PTPRD: variants seen among roughly 807,000 people sequenced by gnomAD.
The protein encoded by PTPRD is receptor-type tyrosine-protein phosphatase delta.
A neutral mutation model predicts 214.5 loss-of-function variants in PTPRD; 34 were observed. The ratio of observed to expected loss-of-function variants is 0.16; its 90% CI spans 0.12 to 0.21. PTPRD has a LOEUF of 0.21. PTPRD is among the 10% of genes least tolerant of loss of function. PTPRD has a pLI of 1.00. For synonymous variants in PTPRD, 1,128 were observed against 845.7 expected, an observed-to-expected ratio of 1.33 and a Z score of -5.79; for missense variants, 2,545 against 2,398.7, an observed-to-expected ratio of 1.06 and a Z score of -1.27.
intron 7 of PTPRD, among the ~76,000 whole-genome samples, chr9:9,685,855 G>C (rs889723925): frequency 1.3e-5 from 2 of 151,188 alleles, no homozygotes; most frequent in African/African-American, 4.8e-5. Context: ...TTATATACCA[G>C]TAACTTTGAT....
intron 17 of PTPRD, among the ~76,000 whole-genome samples, chr9:8,525,639 T>C (rs910687259): frequency 3.9e-5 from 6 of 152,110 alleles, no homozygotes; most frequent in South Asian, 2.1e-4. Context: ...CGACTTACAA[T>C]CATTTATTAC....
rs191872300 is a variant in PTPRD at position 10,284,141 on chromosome 9, T to C, written c.-545+56822A>G. 2.6e-5 allele frequency among the ~76,000 whole-genome samples: 4 copies of C among 152,352 alleles called. No homozygotes were observed. The East Asian group carries it at 5.8e-4, about 22-fold the overall frequency. ...GATTGGATTTTTCCTACAAATTCTGTGGAGTTAGGTGTCCTAGTCTTGCAT... is the reference window on the plus strand; with the variant it reads ...GATTGGATTTTTCCTACAAATTCTGCGGAGTTAGGTGTCCTAGTCTTGCAT... On this transcript the variant is annotated intron_variant, in intron 3 of 45. Transcript: ENST00000381196.
At chr9:10,146,792 G>T (rs899304852) in intron 3 of PTPRD, among the ~76,000 whole-genome samples, 2 of 152,074 alleles carry the variant, frequency 1.3e-5, no homozygotes, top group African/African-American at 4.8e-5. Context: ...AAGAGGTTTG[G>T]GGAGAGTGGA....
chr9:9,229,762 C>T (rs557444331), intron 9 of PTPRD, among the ~76,000 whole-genome samples: 33 of 151,990 alleles, frequency 2.2e-4, no homozygotes, highest in African/African-American at 7.7e-4. Flanking sequence ...AGAAACTACA[C>T]GTGCCAACAA....
chr9:9,548,430 C>T (rs958008942), intron 8 of PTPRD, among the ~76,000 whole-genome samples: 7 of 119,798 alleles, frequency 5.8e-5, no homozygotes, highest in Non-Finnish European at 6.8e-5. Flanking sequence ...TTTTTTAAGA[C>T]GGAGTCTCGC....
At chr9:10,265,796 G>T (rs1371543945) in intron 3 of PTPRD, among the ~76,000 whole-genome samples, 1 of 152,170 alleles carries the variant, frequency 6.6e-6, no homozygotes, top group Non-Finnish European at 1.5e-5. Context: ...GGGAGTGTTT[G>T]TTATATATCA....
intron 43 of PTPRD, among the ~76,000 whole-genome samples, chr9:8,337,521 C>T (rs966793169): frequency 6.6e-6 from 1 of 151,986 alleles, no homozygotes; most frequent in South Asian, 2.1e-4. Flanking sequence ...GATGTTGCAC[C>T]AAACCACCGT....
At chr9:9,961,319 T>C (rs2094349250) in intron 4 of PTPRD, among the ~76,000 whole-genome samples, 1 of 152,176 alleles carries the variant, frequency 6.6e-6, no homozygotes, top group African/African-American at 2.4e-5. Flanking sequence ...GCCTTTGTCA[T>C]CTGTTCCTTG....
intron 2 of PTPRD, among the ~76,000 whole-genome samples, chr9:10,411,062 T>C (rs1204619916): frequency 1.3e-5 from 2 of 151,774 alleles, no homozygotes; most frequent in Admixed American, 1.3e-4. Flanking sequence ...CAGCAAATGT[T>C]TGCCTGTTAC....
intron 14 of PTPRD, among the ~76,000 whole-genome samples, chr9:8,581,260 C>T (rs557107690): frequency 1.3e-5 from 2 of 151,538 alleles, no homozygotes; most frequent in East Asian, 1.9e-4. Context: ...GAAAAAGAGA[C>T]TCAGTAATTC....
chr9:9,133,076 T>C (rs1205906909), intron 10 of PTPRD, among the ~76,000 whole-genome samples: 1 of 152,236 alleles, frequency 6.6e-6, no homozygotes. Context: ...TTTCATATCA[T>C]GCAATCAGGG....
rs138879446 is a variant in PTPRD, at chr9:9,657,276, TA to T, written c.-287+77256del. Among the ~76,000 whole-genome samples the T allele has an allele frequency of 5.5e-3, 819 of 150,266 alleles. 9 individuals carry two copies. Among genetic ancestry groups the T allele is most frequent in the African/African-American group, 0.019 (772 of 40,932 alleles). ...TACACCGTGAAATACTATGCAGCCA[TA>T]AAAAAAAAGGTCATGTCCTTTGCAG... On this transcript the variant is annotated intron_variant, in intron 7 of 45. Transcript: ENST00000381196.
At chr9:9,686,697 A>G (rs150933627) in intron 7 of PTPRD, among the ~76,000 whole-genome samples, 1,827 of 151,832 alleles carry the variant, frequency 0.012, 41 homozygotes, top group African/African-American at 0.042. Flanking sequence ...TAATACATCA[A>G]TGAATATTTA....
intron 8 of PTPRD, among the ~76,000 whole-genome samples, chr9:9,440,547 T>C (rs561248008): frequency 2.6e-5 from 4 of 152,198 alleles, no homozygotes; most frequent in African/African-American, 9.6e-5. Context: ...GTGTGGTCCA[T>C]AACAGTTGTC....
At chr9:9,254,192 T>C (rs1427965160) in intron 9 of PTPRD, among the ~76,000 whole-genome samples, 1 of 152,086 alleles carries the variant, frequency 6.6e-6, no homozygotes, top group Non-Finnish European at 1.5e-5. Context: ...TGAGCACATC[T>C]TATGGGGGCG....
At chr9:9,932,090 C>T (rs1319824033) in intron 5 of PTPRD, among the ~76,000 whole-genome samples, 202 of 148,772 alleles carry the variant, frequency 1.4e-3, no homozygotes, top group African/African-American at 4.5e-3. Context: ...TCACCATCAT[C>T]AAAGACCAAA....
chr9:10,152,127 G>C (rs2099065068), intron 3 of PTPRD, among the ~76,000 whole-genome samples: 1 of 152,126 alleles, frequency 6.6e-6, no homozygotes, highest in African/African-American at 2.4e-5. Flanking sequence ...TGTTTCCAAA[G>C]GGACTATACT....
intron 2 of PTPRD, among the ~76,000 whole-genome samples, chr9:10,343,788 G>A (rs1395997144): frequency 6.6e-6 from 1 of 151,990 alleles, no homozygotes; most frequent in Non-Finnish European, 1.5e-5. Flanking sequence ...TTTGAGAAGT[G>A]TCTGTTCATA....
At chr9:9,106,777 A>G (rs750580015) in intron 10 of PTPRD, among the ~76,000 whole-genome samples, 1 of 152,130 alleles carries the variant, frequency 6.6e-6, no homozygotes, top group Non-Finnish European at 1.5e-5. Context: ...TTCTTTCTCC[A>G]TGTATTTTTT....
Sources: gnomAD v4.1 joint callset for allele counts (sites outside exome capture counted in the v4.1 genomes callset) on GRCh38, gnomAD v4.1.1 for gene constraint, MANE v1.5 for transcripts, NCBI Gene and HGNC (gene_info 2026-07-23, HGNC 2026-07-21) for gene names.